The following ARB2A variants were observed in gnomAD, a reference collection of about 807,000 sequenced individuals.
The protein encoded by ARB2A is cotranscriptional regulator ARB2A.
the ARB2A span, among the ~76,000 whole-genome samples, chr5:93,742,653 C>G: frequency 6.6e-6 from 1 of 152,182 alleles, no homozygotes; most frequent in African/African-American, 2.4e-5. Flanking sequence ...TCTGTCCCCA[C>G]CCACATCTAT....
chr5:93,971,763 ATT>A, the ARB2A span, among the ~76,000 whole-genome samples: 1 of 152,158 alleles, frequency 6.6e-6, no homozygotes. Flanking sequence ...TAACTGAATA[ATT>A]GGTTGGATTC....
At chr5:93,641,756 T>A in the ARB2A span, among the ~76,000 whole-genome samples, 15 of 152,206 alleles carry the variant, frequency 9.9e-5, no homozygotes, top group Non-Finnish European at 1.8e-4. Flanking sequence ...GTAAACATTT[T>A]AAAAATATCA....
the ARB2A span, among the ~76,000 whole-genome samples, chr5:93,848,334 G>T: frequency 6.6e-6 from 1 of 151,292 alleles, no homozygotes; most frequent in East Asian, 1.9e-4. Flanking sequence ...AGTGAGCTGA[G>T]ATCGTGCCAC....
chr5:93,846,659 A>G, the ARB2A span, among the ~76,000 whole-genome samples: 1 of 152,194 alleles, frequency 6.6e-6, no homozygotes, highest in Non-Finnish European at 1.5e-5. Context: ...GTCATAAACT[A>G]AAAACATCTT....
At chr5:93,744,530 T>A in the ARB2A span, among the ~76,000 whole-genome samples, 1 of 151,616 alleles carries the variant, frequency 6.6e-6, no homozygotes, top group Non-Finnish European at 1.5e-5. Flanking sequence ...TAAGGCTTTC[T>A]TTGTACTTGG....
chr5:93,844,603 A>G, the ARB2A span, among the ~76,000 whole-genome samples: 1 of 152,218 alleles, frequency 6.6e-6, no homozygotes, highest in Non-Finnish European at 1.5e-5. Flanking sequence ...GACATTTAAA[A>G]TAAGAAATAA....
the ARB2A span, chr5:93,743,037 A>C: frequency 1.3e-5 from 2 of 152,170 alleles, no homozygotes; most frequent in Non-Finnish European, 2.9e-5. Context: ...CTCCTAAAAC[A>C]TCTGAAGTCT....
At chr5:93,794,362 A>G in the ARB2A span, among the ~76,000 whole-genome samples, 2 of 151,994 alleles carry the variant, frequency 1.3e-5, no homozygotes, top group African/African-American at 2.4e-5. Context: ...ATTGAACTTC[A>G]CCTTTCTCTG....
the ARB2A span, among the ~76,000 whole-genome samples, chr5:93,907,375 T>C: frequency 2.6e-5 from 4 of 151,614 alleles, no homozygotes; most frequent in Non-Finnish European, 4.4e-5. Context: ...TTTCAATCAA[T>C]TATGCTCAAG....
At chr5:93,650,488 G>A in the ARB2A span, among the ~76,000 whole-genome samples, 1 of 152,070 alleles carries the variant, frequency 6.6e-6, no homozygotes, top group Non-Finnish European at 1.5e-5. Flanking sequence ...AAACAGATTG[G>A]CAGAAAAGAT....
At chr5:94,010,422 T>G in the ARB2A span, among the ~76,000 whole-genome samples, 31 of 152,154 alleles carry the variant, frequency 2.0e-4, no homozygotes, top group Non-Finnish European at 4.0e-4. Flanking sequence ...TTTTATGACT[T>G]TAATCCTTTT....
the ARB2A span, among the ~76,000 whole-genome samples, chr5:93,933,550 G>T: frequency 6.6e-6 from 1 of 151,964 alleles, no homozygotes; most frequent in African/African-American, 2.4e-5. Context: ...ACTAACACAG[G>T]AACAGAAAAC....
the ARB2A span, among the ~76,000 whole-genome samples, chr5:93,666,057 G>GACT: frequency 2.6e-5 from 4 of 152,132 alleles, no homozygotes; most frequent in Non-Finnish European, 5.9e-5. Context: ...AGCCACAAAG[G>GACT]ACTAGATGAA....
chr5:94,062,166 A>T, the ARB2A span, among the ~76,000 whole-genome samples: 1 of 152,196 alleles, frequency 6.6e-6, no homozygotes, highest in African/African-American at 2.4e-5. Flanking sequence ...TCAAAGATGA[A>T]AAGACAGTCT....
At chr5:94,046,309 C>G in the ARB2A span, among the ~76,000 whole-genome samples, 3 of 152,140 alleles carry the variant, frequency 2.0e-5, no homozygotes, top group Admixed American at 1.3e-4. Context: ...TTACCTCCCC[C>G]TCACCAGACA....
the ARB2A span, among the ~76,000 whole-genome samples, chr5:93,913,848 T>C: frequency 1.2e-3 from 188 of 152,148 alleles, 4 homozygotes; most frequent in East Asian, 0.028. Context: ...GAAATTATTA[T>C]AGTGATTAAA....
the ARB2A span, among the ~76,000 whole-genome samples, chr5:93,820,738 A>G: frequency 6.6e-6 from 1 of 152,180 alleles, no homozygotes. Flanking sequence ...AAAGTTCATT[A>G]TCAATTCATG....
chr5:94,055,206 C>A, the ARB2A span, among the ~76,000 whole-genome samples: 2 of 152,114 alleles, frequency 1.3e-5, no homozygotes, highest in Non-Finnish European at 2.9e-5. Flanking sequence ...TTTGTCTCAT[C>A]AATAAATAAA....
the ARB2A span, among the ~76,000 whole-genome samples, chr5:93,764,210 G>A: frequency 6.6e-6 from 1 of 152,120 alleles, no homozygotes; most frequent in African/African-American, 2.4e-5. Flanking sequence ...GAGCAGAACT[G>A]AAGTAAATAG....
Sources: allele counts gnomAD v4.1 joint callset (sites outside exome capture counted in the v4.1 genomes callset), GRCh38; gene constraint gnomAD v4.1.1; transcripts MANE v1.5; gene names NCBI Gene and HGNC (gene_info 2026-07-23, HGNC 2026-07-21).